OCLN: variants seen among roughly 807,000 people sequenced by gnomAD.
The protein encoded by OCLN is phosphatase 1, regulatory subunit 115.
Under a neutral mutation model 47.9 loss-of-function variants are expected in OCLN, and 21 were observed. The ratio of observed to expected loss-of-function variants is 0.44; its 90% CI spans 0.31 to 0.63. The LOEUF is 0.63. Among genes scored for constraint, OCLN ranks in the 30% least tolerant of loss-of-function variants. The probability of loss-of-function intolerance (pLI) is 0.08; values close to 1 mark genes in which losing one functional copy is unlikely to be tolerated. For synonymous variants in OCLN, 117 were observed against 198.4 expected (o/e 0.59, Z 3.45); for missense variants, 360 against 571.0 (o/e 0.63, Z 3.77).
At chr5:69,527,278 A>C (rs1769307761) in intron 4 of OCLN, among the ~76,000 whole-genome samples, 1 of 146,880 alleles carries the variant, frequency 6.8e-6, no homozygotes, top group South Asian at 2.1e-4. Context: ...CTTCGTCTCA[A>C]AAAAAAAAAA....
intron 1 of OCLN, among the ~76,000 whole-genome samples, chr5:69,498,487 C>CCT (rs1768365289): frequency 1.3e-5 from 2 of 151,316 alleles, no homozygotes; most frequent in Non-Finnish European, 2.9e-5. Flanking sequence ...GAGCAAGACT[C>CCT]CTGTCTCAAA....
chr5:69,497,286 T>G (rs1191096500), intron 1 of OCLN, among the ~76,000 whole-genome samples: 1 of 152,012 alleles, frequency 6.6e-6, no homozygotes, highest in Non-Finnish European at 1.5e-5. Context: ...GCTCTTCATA[T>G]ATTTCAGGGC....
chr5:69,528,385 T>G (rs541756685), intron 4 of OCLN, among the ~76,000 whole-genome samples: 2 of 130,316 alleles, frequency 1.5e-5, no homozygotes, highest in African/African-American at 6.0e-5. Context: ...AGAGAGGTGT[T>G]CCTAAACGCT....
chr5:69,517,312 A>T (rs78843421), intron 4 of OCLN, among the ~76,000 whole-genome samples: 59 of 82,240 alleles, frequency 7.2e-4, no homozygotes, highest in Admixed American at 1.8e-3. Context: ...ATATATATAT[A>T]TATTTTTTTT....
intron 4 of OCLN, among the ~76,000 whole-genome samples, chr5:69,526,816 T>G (rs545828270): frequency 5.3e-5 from 8 of 152,336 alleles, no homozygotes; most frequent in African/African-American, 1.9e-4. Context: ...CTGAACAGGT[T>G]GGCCATACAT....
At chr5:69,510,522 A>G (rs925136366) in intron 3 of OCLN, among the ~76,000 whole-genome samples, 1 of 152,090 alleles carries the variant, frequency 6.6e-6, no homozygotes, top group Non-Finnish European at 1.5e-5. Flanking sequence ...TCTACTAAAA[A>G]TACAAAAAAA....
intron 4 of OCLN, among the ~76,000 whole-genome samples, chr5:69,515,562 C>T (rs1580562854): frequency 1.0e-4 from 14 of 136,420 alleles, no homozygotes; most frequent in Non-Finnish European, 1.6e-4. Flanking sequence ...CCCTCCCGGA[C>T]GGGGCGGCTG....
intron 4 of OCLN, among the ~76,000 whole-genome samples, chr5:69,520,008 G>A (rs1409465088): frequency 6.6e-6 from 1 of 152,222 alleles, no homozygotes; most frequent in Non-Finnish European, 1.5e-5. Context: ...TGCCAGGCTG[G>A]AGTGCGATGG....
chr5:69,530,331 GT>G (rs1270773261), intron 4 of OCLN, among the ~76,000 whole-genome samples: 1 of 152,106 alleles, frequency 6.6e-6, no homozygotes, highest in Non-Finnish European at 1.5e-5. Flanking sequence ...GGAAATACAG[GT>G]TGGGGACTCC....
At chr5:69,527,785 A>C (rs1006158287) in intron 4 of OCLN, among the ~76,000 whole-genome samples, 7 of 152,204 alleles carry the variant, frequency 4.6e-5, no homozygotes, top group Non-Finnish European at 8.8e-5. Context: ...TGAACCGCAG[A>C]AGGGAGGGAG....
At chr5:69,520,661 C>G (rs750995505) in intron 4 of OCLN, among the ~76,000 whole-genome samples, 3 of 151,902 alleles carry the variant, frequency 2.0e-5, no homozygotes, top group Non-Finnish European at 1.5e-5. Context: ...TGCTCATACT[C>G]CCTTAAATTT....
At chr5:69,549,461 C>G (rs1769801525) in intron 7 of OCLN, among the ~76,000 whole-genome samples, 1 of 147,048 alleles carries the variant, frequency 6.8e-6, no homozygotes, top group African/African-American at 2.5e-5. Context: ...AAAACAATCT[C>G]TCCAAGCAGG....
chr5:69,518,720 T>G (rs914362865), intron 4 of OCLN, among the ~76,000 whole-genome samples: 2 of 152,202 alleles, frequency 1.3e-5, no homozygotes, highest in Non-Finnish European at 2.9e-5. Flanking sequence ...GAAATTAATA[T>G]CAAAACAATC....
intron 4 of OCLN, among the ~76,000 whole-genome samples, chr5:69,525,295 G>A (rs1310427233): frequency 1.3e-5 from 2 of 151,544 alleles, no homozygotes; most frequent in Non-Finnish European, 2.9e-5. Flanking sequence ...TAGTCTAGAC[G>A]GGGTTTCGCC....
intron 1 of OCLN, among the ~76,000 whole-genome samples, chr5:69,500,872 C>T (rs1451774884): frequency 6.6e-6 from 1 of 152,086 alleles, no homozygotes; most frequent in Non-Finnish European, 1.5e-5. Flanking sequence ...TGACATTCAG[C>T]TTCAGAACTA....
chr5:69,518,895 A>G (rs1254427994), intron 4 of OCLN, among the ~76,000 whole-genome samples: 1 of 152,160 alleles, frequency 6.6e-6, no homozygotes, highest in Non-Finnish European at 1.5e-5. Flanking sequence ...TAATCCCAGT[A>G]CTTGCGAGGC....
rs1230199956 is a variant in OCLN, at chr5:69,504,426, A to G, written c.50+132A>G. The G allele has an allele frequency of 4.2e-6, 3 of 708,926 alleles. No homozygotes were observed. The African/African-American group carries it at 5.3e-5, about 12-fold the overall frequency. The allele number at this position is 708,926 out of a possible 1,614,324, so 43.9% of individuals were successfully genotyped here. A position where few individuals can be genotyped will look rare whatever the true frequency, so the allele number is the denominator to read the frequency against. On this transcript the variant is annotated intron_variant, in intron 2 of 8. Coordinates refer to ENST00000396442, the MANE Select transcript of OCLN (RefSeq NM_001205254.2). ...TGTACTTGTAAATTTAAATTGTATCAAAGGGTCTGCACTGAAAACTGAATT... is the reference window on the plus strand; with the variant it reads ...TGTACTTGTAAATTTAAATTGTATCGAAGGGTCTGCACTGAAAACTGAATT...
intron 4 of OCLN, among the ~76,000 whole-genome samples, chr5:69,516,199 TG>T (rs1768962053): frequency 6.6e-6 from 1 of 152,210 alleles, no homozygotes; most frequent in African/African-American, 2.4e-5. Context: ...CACTCCAGCC[TG>T]GGCACCATTG....
intron 4 of OCLN, among the ~76,000 whole-genome samples, chr5:69,519,176 C>T (rs948063104): frequency 6.6e-6 from 1 of 152,048 alleles, no homozygotes; most frequent in Non-Finnish European, 1.5e-5. Context: ...TAACAATTAG[C>T]TACTCAATAT....
Sources: gnomAD v4.1 joint callset for allele counts (sites outside exome capture counted in the v4.1 genomes callset) on GRCh38, gnomAD v4.1.1 for gene constraint, MANE v1.5 for transcripts, NCBI Gene and HGNC (gene_info 2026-07-23, HGNC 2026-07-21) for gene names.